Variants in TTC28 observed in about 807,000 individuals in gnomAD.
The protein encoded by TTC28 is tetratricopeptide repeat domain 28.
A neutral mutation model predicts 198.0 loss-of-function variants in TTC28; 61 were observed. The observed-to-expected ratio is 0.31, with a 90% CI of 0.25 to 0.38. The LOEUF is 0.38. Ranked by LOEUF, TTC28 falls within the 10% of genes least tolerant of loss-of-function variation. TTC28 has a pLI of 1.00. For synonymous variants in TTC28, 1,171 were observed against 1,297.8 expected (o/e 0.90, Z 2.10); for missense variants, 2,678 against 3,164.0 (o/e 0.85, Z 3.69).
rs906674037 is a variant in TTC28 at position 27,993,486 on chromosome 22, C to A, written c.5277G>T (p.Gly1759=). 1.3e-6 allele frequency: 2 copies of A among 1,549,796 alleles called. No individual in the cohort carries two copies. Among genetic ancestry groups the A allele is most frequent in the Admixed American group, 3.9e-5 (2 of 50,820 alleles). Reference sequence around the variant, plus strand: ...GGGATGTGTACATGGCATTGCGCTGCCCATTCTGGATGCGCTGCAGGGATT... The same window carrying A: ...GGGATGTGTACATGGCATTGCGCTGACCATTCTGGATGCGCTGCAGGGATT... ...VEKSLQRIQN[G]QRNAMYTSQQ... is the part of the protein sequence containing the mutation. The change falls in exon 18 of 23, where the codon GGG becomes GGT. Residue 1759 remains glycine (G), a synonymous_variant. Coordinates refer to ENST00000397906, the MANE Select transcript of TTC28 (RefSeq NM_001145418.2).
intron 5 of TTC28, among the ~76,000 whole-genome samples, chr22:28,242,489 ATTTCT>A (rs1929726809): frequency 6.6e-6 from 1 of 152,214 alleles, no homozygotes. Flanking sequence ...GTACACTTAG[ATTTCT>A]TTTTAAGTGA....
At chr22:28,260,398 G>A (rs763836629) in intron 5 of TTC28, among the ~76,000 whole-genome samples, 11 of 152,118 alleles carry the variant, frequency 7.2e-5, no homozygotes, top group Non-Finnish European at 1.3e-4. Context: ...TATTACATAT[G>A]TTTATAAATG....
chr22:28,343,529 CA>C (rs35941888), intron 2 of TTC28, among the ~76,000 whole-genome samples: 101 of 134,738 alleles, frequency 7.5e-4, no homozygotes, highest in South Asian at 7.1e-3. Flanking sequence ...GACTCTGTCT[CA>C]AAAAAAAAAA....
chr22:28,623,560 T>C (rs2051033248), intron 2 of TTC28, among the ~76,000 whole-genome samples: 1 of 152,184 alleles, frequency 6.6e-6, no homozygotes, highest in South Asian at 2.1e-4. Context: ...TTCATTGATA[T>C]CTATGGAACT....
chr22:28,253,445 A>G (rs1930668052), intron 5 of TTC28, among the ~76,000 whole-genome samples: 2 of 152,106 alleles, frequency 1.3e-5, no homozygotes, highest in African/African-American at 4.8e-5. Flanking sequence ...TTCTAACATC[A>G]TATTATACAT....
Position 28,517,960 on chromosome 22 carries a change from C to A in TTC28, c.381+111592G>T, listed in dbSNP as rs1331862378. ...ATTTTATTTATTGTATTTTTTTTTACACTCAAGGTCCCACTATGTTGCCCA... is the reference window on the plus strand; with the variant it reads ...ATTTTATTTATTGTATTTTTTTTTAAACTCAAGGTCCCACTATGTTGCCCA... On this transcript the variant is annotated intron_variant, in intron 2 of 22. Transcript: ENST00000397906. Among the ~76,000 whole-genome samples the A allele has an allele frequency of 4.6e-5, 7 of 151,114 alleles. No homozygotes were observed. In the South Asian group the frequency reaches 1.2e-3, roughly 27 times the overall value.
chr22:28,089,713 AT>A (rs1434774312), intron 12 of TTC28, among the ~76,000 whole-genome samples: 2 of 150,876 alleles, frequency 1.3e-5, no homozygotes, highest in African/African-American at 2.4e-5. Context: ...AATAAAAAAA[AT>A]AAAGGTTTTC....
intron 13 of TTC28, among the ~76,000 whole-genome samples, chr22:28,017,731 G>T (rs966037633): frequency 1.6e-4 from 25 of 152,290 alleles, no homozygotes; most frequent in African/African-American, 6.0e-4. Flanking sequence ...AACCAGGCTT[G>T]CCTGATCAAG....
At chr22:28,567,500 A>ATATATATATATAT (rs1376637626) in intron 2 of TTC28, among the ~76,000 whole-genome samples, 1 of 130,696 alleles carries the variant, frequency 7.7e-6, no homozygotes, top group Non-Finnish European at 1.6e-5. Flanking sequence ...ATATATATAT[A>ATATATATATATAT]TATATATATG....
At chr22:27,996,380 G>A in intron 16 of TTC28, 121 bp from the exon 17 acceptor site, 1 of 1,419,414 alleles carries the variant, frequency 7.0e-7, no homozygotes, top group Non-Finnish European at 9.3e-7. Context: ...GCCTGGCAGG[G>A]GAGCAGCTCA....
intron 2 of TTC28, among the ~76,000 whole-genome samples, chr22:28,310,116 G>A (rs937131615): frequency 6.8e-6 from 1 of 147,634 alleles, no homozygotes; most frequent in South Asian, 2.2e-4. Context: ...AATCAACAGT[G>A]CCAGGCACTG....
Position 27,985,322 on chromosome 22 carries a change from T to G in TTC28, c.5742A>C (p.Val1914=), listed in dbSNP as rs1054365215. Residue 1914 remains valine (V), a synonymous_variant, in exon 22 of 23, where the codon GTA becomes GTC. Coordinates refer to ENST00000397906, the MANE Select transcript of TTC28 (RefSeq NM_001145418.2). The part of the protein sequence containing the change: ...FDLCEVGQEE[V]ILKTGKQANR... Reference sequence around the variant, plus strand: ...TAGCTTGCTTCCCGGTTTTCAGGATTACTTCCTCCTGACCAACTTCACAGA... The same window carrying G: ...TAGCTTGCTTCCCGGTTTTCAGGATGACTTCCTCCTGACCAACTTCACAGA... 77 of 1,551,360 alleles carry G rather than the reference T, an allele frequency of 5.0e-5. No individual in the cohort carries two copies. Among genetic ancestry groups the G allele is most frequent in the Non-Finnish European group, 6.5e-5 (74 of 1,146,844 alleles).
At chr22:28,445,926 A>C (rs2047694496) in intron 2 of TTC28, among the ~76,000 whole-genome samples, 1 of 152,172 alleles carries the variant, frequency 6.6e-6, no homozygotes, top group Middle Eastern at 3.2e-3. Context: ...CCACAAGAAC[A>C]TAAATTCCAA....
At chr22:28,174,184 G>T (rs1481498343) in intron 5 of TTC28, among the ~76,000 whole-genome samples, 3 of 152,160 alleles carry the variant, frequency 2.0e-5, no homozygotes, top group Non-Finnish European at 4.4e-5. Context: ...ACACACATTT[G>T]TAACATCTTT....
intron 5 of TTC28, among the ~76,000 whole-genome samples, chr22:28,222,371 C>T (rs1168008554): frequency 6.6e-6 from 1 of 152,196 alleles, no homozygotes; most frequent in East Asian, 1.9e-4. Flanking sequence ...CCCAGAAAAC[C>T]TACACGACCC....
chr22:28,001,207 G>T, intron 15 of TTC28, 167 bp downstream of exon 15: 2 of 861,434 alleles, frequency 2.3e-6, no homozygotes, highest in Non-Finnish European at 3.4e-6. Flanking sequence ...CCCCACTTTT[G>T]GACAGACCTA....
chr22:28,555,164 C>G (rs1235892496), intron 2 of TTC28, among the ~76,000 whole-genome samples: 2 of 152,188 alleles, frequency 1.3e-5, no homozygotes, highest in East Asian at 3.8e-4. Context: ...CCACCTCACT[C>G]CTGCAAGAAT....
chr22:28,089,685 TAA>T (rs965133955), intron 12 of TTC28, among the ~76,000 whole-genome samples: 2 of 127,326 alleles, frequency 1.6e-5, no homozygotes, highest in East Asian at 4.6e-4. Flanking sequence ...TAAAATAAAA[TAA>T]AATAAAAAAT....
chr22:27,986,659 A>AGGC (rs1937226599), intron 21 of TTC28, among the ~76,000 whole-genome samples: 1 of 152,204 alleles, frequency 6.6e-6, no homozygotes, highest in Non-Finnish European at 1.5e-5. Context: ...TACTGTCAGC[A>AGGC]TGCTATGTGT....
Sources: allele counts gnomAD v4.1 joint callset (sites outside exome capture counted in the v4.1 genomes callset), GRCh38; gene constraint gnomAD v4.1.1; transcripts MANE v1.5; gene names NCBI Gene and HGNC (gene_info 2026-07-23, HGNC 2026-07-21).